PTCSC3: variants seen among roughly 807,000 people sequenced by gnomAD.
PTCSC3 encodes the protein papillary thyroid carcinoma susceptibility candidate 3 (non-protein coding).
chr14:36,141,395 TTTTC>T (rs1290154601), intron 3 of PTCSC3, among the ~76,000 whole-genome samples: 1 of 152,098 alleles, frequency 6.6e-6, no homozygotes. Flanking sequence ...TTTATTTAGA[TTTTC>T]TTTGATATTT....
Position 36,148,405 on chromosome 14 carries a change from G to C in PTCSC3, n.322+5399C>G, listed in dbSNP as rs375335699. 3.3e-3 allele frequency among the ~76,000 whole-genome samples: 499 copies of C among 152,246 alleles called. 3 individuals carry two copies. Among genetic ancestry groups the C allele is most frequent in the Middle Eastern group, 0.017 (5 of 294 alleles). ...AGCCTGTCGGAAAAGCGCAGTATTC[G>C]GGTGGGAGTGACCCGATTTTCCAGG... On this transcript the variant is annotated intron_variant and non_coding_transcript_variant, in intron 3 of 3. Coordinates refer to ENST00000556013, the Ensembl canonical transcript of PTCSC3.
chr14:36,147,308 C>G (rs200105513), intron 3 of PTCSC3, among the ~76,000 whole-genome samples: 1 of 152,170 alleles, frequency 6.6e-6, no homozygotes, highest in Non-Finnish European at 1.5e-5. Context: ...ACCAATCAGA[C>G]GTAGATTTGG....
intron 3 of PTCSC3, among the ~76,000 whole-genome samples, chr14:36,152,013 T>C (rs1881734333): frequency 6.6e-6 from 1 of 152,050 alleles, no homozygotes. Context: ...TCTAAGAAGA[T>C]TTGTTGATTT....
chr14:36,138,372 A>G (rs761684635), intron 3 of PTCSC3, among the ~76,000 whole-genome samples: 40 of 152,224 alleles, frequency 2.6e-4, no homozygotes, highest in Non-Finnish European at 4.1e-4. Context: ...CAAAACTTCT[A>G]CTCTTCAAAT....
At chr14:36,162,161 C>T (rs1881970195) in intron 2 of PTCSC3, among the ~76,000 whole-genome samples, 2 of 148,848 alleles carry the variant, frequency 1.3e-5, no homozygotes, top group Non-Finnish European at 3.0e-5. Context: ...GGGGTGGGAT[C>T]GGCTGAGCAA....
At position 36,166,320 on chromosome 14, in the gene PTCSC3, T is replaced by C. The variant is rs1426980701; in HGVS notation, n.172-3637A>G. On this transcript the variant is annotated intron_variant and non_coding_transcript_variant, in intron 1 of 3. Transcript: ENST00000556013. ...ACAGAGAACGTAAGGACGAAACATA[T>C]TCCTAGCAGAGTGAAATATGTGTAA... Among the ~76,000 whole-genome samples the C allele has an allele frequency of 2.0e-5, 3 of 152,338 alleles. No homozygotes were observed. The East Asian group carries it at 5.8e-4, about 29-fold the overall frequency.
chr14:36,142,037 T>C (rs900312638), intron 3 of PTCSC3, among the ~76,000 whole-genome samples: 3 of 152,202 alleles, frequency 2.0e-5, no homozygotes, highest in South Asian at 2.1e-4. Flanking sequence ...TCTTACTGCA[T>C]TGGCTAGGAT....
chr14:36,153,690 A>G (rs1881771157), intron 3 of PTCSC3: 1 of 152,240 alleles, frequency 6.6e-6, no homozygotes, highest in South Asian at 2.1e-4. Context: ...TATAATTTAT[A>G]ATAGTAGAAA....
intron 2 of PTCSC3, among the ~76,000 whole-genome samples, chr14:36,158,403 C>G (rs1039693920): frequency 6.6e-6 from 1 of 152,090 alleles, no homozygotes; most frequent in Non-Finnish European, 1.5e-5. Flanking sequence ...TCACAAATAG[C>G]TCTTATTATT....
chr14:36,148,458 C>A lies in PTCSC3; in HGVS notation n.322+5346G>T, dbSNP rs143150592. ...CTGTCCGTCACCCCTTTCTTTGACT[C>A]GGAAAGGGAACTCCCTGACCCCTTG... is the stretch of plus-strand genomic sequence containing the variant. On this transcript the variant is annotated intron_variant and non_coding_transcript_variant, in intron 3 of 3. Coordinates refer to ENST00000556013, the Ensembl canonical transcript of PTCSC3. Among the ~76,000 whole-genome samples, 1,083 of 152,238 alleles carry A rather than the reference C, an allele frequency of 7.1e-3. 12 individuals carry two copies. The highest frequency in any genetic ancestry group is 0.024 in the African/African-American group (984 of 41,546).
chr14:36,136,174 A>T (rs1192804088), exon 4 of PTCSC3: 1 of 152,270 alleles, frequency 6.6e-6, no homozygotes. Context: ...GCAGCTGATT[A>T]GATGGTGCCC....
intron 3 of PTCSC3, among the ~76,000 whole-genome samples, chr14:36,151,184 A>G (rs1881713359): frequency 6.6e-6 from 1 of 152,092 alleles, no homozygotes; most frequent in Non-Finnish European, 1.5e-5. Context: ...TTTTCTTTCA[A>G]CACTTTAAAT....
chr14:36,140,260 C>T (rs542753159), intron 3 of PTCSC3, among the ~76,000 whole-genome samples: 179 of 152,264 alleles, frequency 1.2e-3, no homozygotes, highest in East Asian at 5.8e-4. Context: ...TAGTTGCTTT[C>T]CATTTGGGGC....
intron 3 of PTCSC3, among the ~76,000 whole-genome samples, chr14:36,136,808 T>G (rs1881298356): frequency 6.6e-6 from 1 of 152,116 alleles, no homozygotes; most frequent in East Asian, 1.9e-4. Flanking sequence ...TATTTGGGAG[T>G]CTAGAGAGAA....
chr14:36,161,411 C>T (rs1881953551), intron 2 of PTCSC3, among the ~76,000 whole-genome samples: 1 of 152,076 alleles, frequency 6.6e-6, no homozygotes, highest in African/African-American at 2.4e-5. Context: ...TTTTCTGTGT[C>T]TGGACATCCT....
chr14:36,170,188 TATAA>T (rs571661452), intron 1 of PTCSC3, among the ~76,000 whole-genome samples: 88 of 151,966 alleles, frequency 5.8e-4, no homozygotes, highest in African/African-American at 1.9e-3. Flanking sequence ...TAAAAATATT[TATAA>T]ATAAATATTA....
At chr14:36,170,197 ATAT>A (rs1449247414) in intron 1 of PTCSC3, among the ~76,000 whole-genome samples, 1 of 151,832 alleles carries the variant, frequency 6.6e-6, no homozygotes, top group African/African-American at 2.4e-5. Flanking sequence ...TTATAAATAA[ATAT>A]TAATAAATAT....
chr14:36,141,550 A>G (rs956482636), intron 3 of PTCSC3, among the ~76,000 whole-genome samples: 5 of 152,022 alleles, frequency 3.3e-5, no homozygotes, highest in Non-Finnish European at 4.4e-5. Flanking sequence ...ACGGGGTTTC[A>G]CCATGTTGGC....
intron 3 of PTCSC3, among the ~76,000 whole-genome samples, chr14:36,140,491 T>C (rs1397172549): frequency 6.6e-6 from 1 of 152,246 alleles, no homozygotes; most frequent in African/African-American, 2.4e-5. Context: ...TTGGTCCACA[T>C]TCTTGCCAGC....
Sources: allele counts gnomAD v4.1 joint callset (sites outside exome capture counted in the v4.1 genomes callset), GRCh38; gene constraint gnomAD v4.1.1; transcripts MANE v1.5; gene names NCBI Gene and HGNC (gene_info 2026-07-23, HGNC 2026-07-21).